PPEF1: variants seen among roughly 807,000 people sequenced by gnomAD.
PPEF1 encodes serine/threonine-protein phosphatase with EF-hands 1.
A neutral mutation model predicts 53.3 loss-of-function variants in PPEF1; 12 were observed. The observed-to-expected ratio is 0.23, with a 90% CI of 0.14 to 0.36. The LOEUF (loss-of-function observed/expected upper bound fraction) is 0.36. Ranked by LOEUF, PPEF1 falls within the 10% of genes least tolerant of loss-of-function variation. The probability of loss-of-function intolerance (pLI) is 1.00; values close to 1 mark genes in which losing one functional copy is unlikely to be tolerated. For missense variants in PPEF1, 334 were observed against 490.4 expected (o/e 0.68, Z 3.01); for synonymous variants, 165 against 176.7 (o/e 0.93, Z 0.52).
chrX:18,746,860 T>C (rs1394217367), intron 3 of PPEF1, among the ~76,000 whole-genome samples: 1 of 112,155 alleles, frequency 8.9e-6, no homozygotes, highest in Non-Finnish European at 1.9e-5. Context: ...GCTACTTACA[T>C]GCTGTACCCC....
chrX:18,799,338 G>A (rs767842323), intron 10 of PPEF1, among the ~76,000 whole-genome samples: 14 of 111,212 alleles, frequency 1.3e-4, no homozygotes, highest in African/African-American at 4.2e-4. Context: ...CCCAGGAGGC[G>A]GAGGTTGCAG....
chrX:18,816,168 C>T (rs1002885391), intron 12 of PPEF1, among the ~76,000 whole-genome samples: 9 of 110,598 alleles, frequency 8.1e-5, no homozygotes, highest in African/African-American at 2.9e-4. Flanking sequence ...CTAAGCACTA[C>T]TTCATATGTT....
chrX:18,818,545 A>G (rs1292025063), intron 13 of PPEF1, among the ~76,000 whole-genome samples: 1 of 110,043 alleles, frequency 9.1e-6, no homozygotes, highest in Non-Finnish European at 1.9e-5. Context: ...TAATTTTTGT[A>G]TTTTTAGTAG....
chrX:18,740,473 G>C lies in PPEF1; in HGVS notation c.235+6665G>C, dbSNP rs188200256. 8.2e-3 allele frequency among the ~76,000 whole-genome samples: 879 copies of C among 107,099 alleles called. 8 individuals are homozygous for C. The highest frequency in any genetic ancestry group is 0.028 in the African/African-American group (831 of 29,334). The allele number at this position is 107,099 out of a possible 115,157, so 93.0% of individuals were successfully genotyped here. On this transcript the variant is annotated intron_variant, in intron 3 of 15. Transcript: ENST00000470157. ...TTCCCAGGCTGCAGTGCAGTGGCACGGTCTCGGCTCACTGCAACCTCTGCC... is the reference window on the plus strand; with the variant it reads ...TTCCCAGGCTGCAGTGCAGTGGCACCGTCTCGGCTCACTGCAACCTCTGCC...
intron 2 of PPEF1, among the ~76,000 whole-genome samples, chrX:18,685,798 A>G (rs59710071): frequency 0.024 from 2,618 of 111,064 alleles, 85 homozygotes; most frequent in African/African-American, 0.081. Context: ...ATACATTTCT[A>G]GCGTCTGCTT....
At chrX:18,679,048 C>G (rs949191206), upstream of PPEF1, among the ~76,000 whole-genome samples, 1 of 111,852 alleles carries the variant, frequency 8.9e-6, no homozygotes, top group African/African-American at 3.3e-5. Context: ...CGCTTCTGAT[C>G]TCTGCCCCTA....
intron 11 of PPEF1, among the ~76,000 whole-genome samples, 166 bp downstream of exon 11, chrX:18,804,243 A>G (rs190694311): frequency 2.7e-5 from 3 of 111,096 alleles, no homozygotes; most frequent in African/African-American, 9.8e-5. Flanking sequence ...AAGGGGCCTC[A>G]CTGTCCCTTA....
intron 12 of PPEF1, among the ~76,000 whole-genome samples, chrX:18,817,078 G>A (rs776118457): frequency 0.16 from 17,427 of 106,693 alleles, 1,063 homozygotes; most frequent in Admixed American, 0.23. Flanking sequence ...ATGTGTGTGT[G>A]TGTGTGTGTG....
In PPEF1 at chrX:18,741,424, G is replaced by A. The variant is rs111647681; in HGVS notation, c.235+7616G>A. ...TTTAATCTGCATTTTAAAAAATTCC[G>A]TAGGTGATTTTAAAATATAAGAAAA... On this transcript the variant is annotated intron_variant, in intron 3 of 15. Coordinates refer to ENST00000470157, the MANE Select transcript of PPEF1 (RefSeq NM_001377996.1). 8.9e-3 allele frequency among the ~76,000 whole-genome samples: 992 copies of A among 111,820 alleles called. 12 individuals are homozygous for A. The highest frequency in any genetic ancestry group is 0.031 in the African/African-American group (940 of 30,818).
intron 10 of PPEF1, among the ~76,000 whole-genome samples, chrX:18,801,971 G>A (rs1245023208): frequency 2.9e-4 from 29 of 99,915 alleles, no homozygotes; most frequent in South Asian, 1.4e-3. Context: ...GTGACAGAGC[G>A]AGACTCCATC....
At chrX:18,782,326 T>A (rs1287910706) in intron 7 of PPEF1, 40 bp from the exon 8 acceptor site, 1 of 1,103,041 alleles carries the variant, frequency 9.1e-7, no homozygotes, top group Non-Finnish European at 1.2e-6. Flanking sequence ...GAAGTAGGCG[T>A]TATCAACAAT....
intron 10 of PPEF1, among the ~76,000 whole-genome samples, chrX:18,800,361 A>G (rs1434153732): frequency 1.8e-5 from 2 of 111,230 alleles, no homozygotes; most frequent in Non-Finnish European, 3.8e-5. Context: ...ACATTCACAT[A>G]TCCATATTAT....
intron 12 of PPEF1, among the ~76,000 whole-genome samples, chrX:18,807,472 A>G (rs1486038648): frequency 1.2e-4 from 13 of 112,130 alleles, no homozygotes; most frequent in Non-Finnish European, 2.3e-4. Context: ...GCAGTTTAGA[A>G]TGGCCCCTTC....
intron 10 of PPEF1, among the ~76,000 whole-genome samples, chrX:18,801,234 G>A (rs903970547): frequency 1.8e-5 from 2 of 111,667 alleles, no homozygotes; most frequent in African/African-American, 6.5e-5. Context: ...AACTCTGCAG[G>A]TATCTGATGT....
At chrX:18,700,747 C>G (rs1430996743) in intron 6 of PPEF1, among the ~76,000 whole-genome samples, 1 of 111,865 alleles carries the variant, frequency 8.9e-6, no homozygotes, top group Admixed American at 9.5e-5. Context: ...AGAAACCCTT[C>G]TAGGTCCCCT....
At chrX:18,816,326 AATTT>A (rs1463150415) in intron 12 of PPEF1, among the ~76,000 whole-genome samples, 1 of 110,882 alleles carries the variant, frequency 9.0e-6, no homozygotes, top group Non-Finnish European at 1.9e-5. Flanking sequence ...GTTAATTTTT[AATTT>A]ATTTATTTTC....
At chrX:18,826,947 C>G (rs368371752) in intron 15 of PPEF1, among the ~76,000 whole-genome samples, 1 of 111,216 alleles carries the variant, frequency 9.0e-6, no homozygotes, top group Non-Finnish European at 1.9e-5. Flanking sequence ...TCATCCTCCT[C>G]TCTGCCCTCC....
intron 1 of PPEF1, among the ~76,000 whole-genome samples, chrX:18,717,374 G>C (rs1272652347): frequency 9.3e-6 from 1 of 108,002 alleles, no homozygotes; most frequent in East Asian, 2.9e-4. Flanking sequence ...TCCATATTCA[G>C]AATTTCCCAG....
chrX:18,675,694 A>G (rs1481971235), upstream of PPEF1, among the ~76,000 whole-genome samples: 2 of 112,269 alleles, frequency 1.8e-5, no homozygotes, highest in African/African-American at 6.5e-5. Context: ...GCCCAGTGCA[A>G]AATGAAGATG....
Sources: gnomAD v4.1 joint callset for allele counts (sites outside exome capture counted in the v4.1 genomes callset) on GRCh38, gnomAD v4.1.1 for gene constraint, MANE v1.5 for transcripts, NCBI Gene and HGNC (gene_info 2026-07-23, HGNC 2026-07-21) for gene names.